VDAC1: variants seen among roughly 807,000 people sequenced by gnomAD.
VDAC1 encodes the protein voltage dependent anion channel 1.
VDAC1 carries 10 observed loss-of-function variants against 34.7 expected under a neutral mutation model. The ratio of observed to expected loss-of-function variants is 0.29; its 90% CI spans 0.18 to 0.49. The LOEUF is 0.49. Among genes scored for constraint, VDAC1 ranks in the 20% least tolerant of loss-of-function variants. The pLI is 0.99. For synonymous variants in VDAC1, 130 were observed against 136.0 expected, an observed-to-expected ratio of 0.96 and a Z score of 0.30; for missense variants, 230 against 347.9, an observed-to-expected ratio of 0.66 and a Z score of 2.69.
At chr5:134,073,101 G>A in the VDAC1 span, among the ~76,000 whole-genome samples, 159 of 152,212 alleles carry the variant, frequency 1.0e-3, no homozygotes, top group South Asian at 7.5e-3. Flanking sequence ...CATCTGACCC[G>A]GCAGCCCTGT....
the VDAC1 span, among the ~76,000 whole-genome samples, chr5:134,096,931 A>G: frequency 6.6e-6 from 1 of 152,254 alleles, no homozygotes; most frequent in Non-Finnish European, 1.5e-5. Flanking sequence ...CAGGCAAACG[A>G]AGGCCTAGCT....
chr5:134,009,244 ATTCTTTTTTTTTT>A (rs1364434609), upstream of VDAC1, among the ~76,000 whole-genome samples: 1 of 138,254 alleles, frequency 7.2e-6, no homozygotes, highest in African/African-American at 2.8e-5. Context: ...GAATTTATCA[ATTCTTTTTTTTTT>A]TTTTTTTTTT....
chr5:134,035,421 T>C, the VDAC1 span, among the ~76,000 whole-genome samples: 1 of 152,158 alleles, frequency 6.6e-6, no homozygotes, highest in African/African-American at 2.4e-5. Flanking sequence ...TTTTAAAATA[T>C]ACGTTTTGTA....
At chr5:134,094,101 G>A in the VDAC1 span, among the ~76,000 whole-genome samples, 1 of 152,220 alleles carries the variant, frequency 6.6e-6, no homozygotes, top group Non-Finnish European at 1.5e-5. Context: ...GTGGGTGGAA[G>A]GCAGGTGCCC....
chr5:134,094,029 C>A, the VDAC1 span, among the ~76,000 whole-genome samples: 1 of 152,250 alleles, frequency 6.6e-6, no homozygotes, highest in Non-Finnish European at 1.5e-5. Context: ...TGAAATACCC[C>A]AGAGACCAGA....
chr5:134,035,784 G>T, the VDAC1 span, among the ~76,000 whole-genome samples: 2 of 151,964 alleles, frequency 1.3e-5, no homozygotes, highest in East Asian at 3.9e-4. Flanking sequence ...AAGCAGGTGG[G>T]TCATGAGGTC....
the VDAC1 span, among the ~76,000 whole-genome samples, chr5:134,105,755 T>C: frequency 6.6e-6 from 1 of 152,226 alleles, no homozygotes; most frequent in Admixed American, 6.5e-5. Context: ...CTGGAGGCCA[T>C]CTGGGGTGGC....
At chr5:134,014,049 G>T in the VDAC1 span, among the ~76,000 whole-genome samples, 129 of 152,224 alleles carry the variant, frequency 8.5e-4, no homozygotes, top group Non-Finnish European at 8.7e-4. Context: ...CAGCACTTTG[G>T]GGGGCCAAGG....
the VDAC1 span, among the ~76,000 whole-genome samples, chr5:134,045,491 C>T: frequency 1.3e-5 from 2 of 152,174 alleles, no homozygotes; most frequent in Non-Finnish European, 1.5e-5. Flanking sequence ...GAGCTACCTA[C>T]GTTCCTTGGC....
chr5:134,007,492 A>G (rs1194122131), upstream of VDAC1, among the ~76,000 whole-genome samples: 1 of 152,176 alleles, frequency 6.6e-6, no homozygotes, highest in Admixed American at 6.5e-5. Context: ...TGCAGGTGCC[A>G]TAATCACTAG....
the VDAC1 span, among the ~76,000 whole-genome samples, chr5:134,019,862 G>C: frequency 7.2e-5 from 11 of 152,126 alleles, no homozygotes; most frequent in African/African-American, 2.7e-4. Flanking sequence ...CCTGAATCTG[G>C]AGAGGACTTG....
At chr5:134,001,294 C>G (rs978102613) in intron 1 of VDAC1, among the ~76,000 whole-genome samples, 20 of 152,302 alleles carry the variant, frequency 1.3e-4, no homozygotes, top group African/African-American at 4.8e-4. Flanking sequence ...GAAATGGAAA[C>G]ACACTATCTC....
chr5:134,054,827 C>T, the VDAC1 span, among the ~76,000 whole-genome samples: 5 of 152,132 alleles, frequency 3.3e-5, no homozygotes, highest in East Asian at 1.9e-4. Flanking sequence ...ATTAACCTGA[C>T]GAACCACTTA....
chr5:134,053,429 G>T, the VDAC1 span, among the ~76,000 whole-genome samples: 1 of 152,192 alleles, frequency 6.6e-6, no homozygotes, highest in African/African-American at 2.4e-5. Flanking sequence ...TGGACCCATT[G>T]CCCAACCCTC....
the VDAC1 span, among the ~76,000 whole-genome samples, chr5:134,028,726 A>G: frequency 8.5e-5 from 13 of 152,144 alleles, no homozygotes; most frequent in African/African-American, 3.1e-4. Flanking sequence ...GGCCAGCCAA[A>G]CCACTGGTAG....
At chr5:133,981,852 C>T (rs897895519) in intron 5 of VDAC1, among the ~76,000 whole-genome samples, 1 of 152,232 alleles carries the variant, frequency 6.6e-6, no homozygotes, top group African/African-American at 2.4e-5. Context: ...AAGCTGCATT[C>T]TCAGCAGAGA....
At chr5:134,081,235 C>T in the VDAC1 span, among the ~76,000 whole-genome samples, 1 of 152,208 alleles carries the variant, frequency 6.6e-6, no homozygotes, top group Non-Finnish European at 1.5e-5. Flanking sequence ...GATGGGGTTT[C>T]ACCATGTTGG....
the VDAC1 span, among the ~76,000 whole-genome samples, chr5:134,050,760 G>A: frequency 6.6e-6 from 1 of 152,222 alleles, no homozygotes; most frequent in Non-Finnish European, 1.5e-5. Flanking sequence ...ATGTCAAATT[G>A]GAGATGAGGG....
chr5:134,014,820 C>A, the VDAC1 span, among the ~76,000 whole-genome samples: 1 of 152,148 alleles, frequency 6.6e-6, no homozygotes, highest in Non-Finnish European at 1.5e-5. Flanking sequence ...GAGCCAAGAT[C>A]GTGCCACTGC....
Sources: gnomAD v4.1 joint callset for allele counts (sites outside exome capture counted in the v4.1 genomes callset) on GRCh38, gnomAD v4.1.1 for gene constraint, MANE v1.5 for transcripts, NCBI Gene and HGNC (gene_info 2026-07-23, HGNC 2026-07-21) for gene names.